The following PFKFB3 variants were observed in gnomAD, a reference collection of about 807,000 sequenced individuals.
PFKFB3 encodes the protein 6-phosphofructo-2-kinase/fructose-2,6-bisphosphatase 3.
A neutral mutation model predicts 68.0 loss-of-function variants in PFKFB3; 33 were observed. The ratio of observed to expected loss-of-function variants is 0.49; its 90% CI spans 0.37 to 0.65. The LOEUF (loss-of-function observed/expected upper bound fraction) is 0.65, where lower values mean the gene tolerates loss of function less well. Among genes scored for constraint, PFKFB3 ranks in the 30% least tolerant of loss-of-function variants. The probability of loss-of-function intolerance (pLI) is 0.00; values close to 1 mark genes in which losing one functional copy is unlikely to be tolerated. For synonymous variants in PFKFB3, 315 were observed against 288.2 expected (o/e 1.09, Z -0.94); for missense variants, 586 against 712.2 (o/e 0.82, Z 2.02).
chr10:6,162,745 G>A (rs910713336), intron 1 of PFKFB3, among the ~76,000 whole-genome samples: 3 of 152,122 alleles, frequency 2.0e-5, no homozygotes, highest in Non-Finnish European at 4.4e-5. Flanking sequence ...TCCTTGACAC[G>A]CCCCCTTCAG....
intron 1 of PFKFB3, among the ~76,000 whole-genome samples, chr10:6,184,045 TTTTTA>T (rs139391729): frequency 0.97 from 145,444 of 149,540 alleles, 70,858 homozygotes; most frequent in East Asian, 1. Context: ...TGCTTTTTGT[TTTTTA>T]TTTTATTTTA....
intron 1 of PFKFB3, among the ~76,000 whole-genome samples, chr10:6,165,978 C>CTTTTTT (rs35266127): frequency 2.4e-5 from 3 of 124,868 alleles, no homozygotes; most frequent in East Asian, 2.4e-4. Flanking sequence ...CCAGGCTCAA[C>CTTTTTT]TTTTTTTTTT....
In PFKFB3 at chr10:6,232,905, G is replaced by C. The variant is rs35413228; in HGVS notation, c.1526G>C (p.Gly509Ala). ...PTQLPGQNMK[G>A]SRSSADSSRK... ...TTCTCCTGAAAACAGAACATGAAAG[G>C]CTCCCGGAGCAGCGCTGACTCCTCC... Residue 509 changes from glycine to alanine, a missense_variant, in exon 15 of 15, where the codon GGC becomes GCC. Transcript: ENST00000379775. The C allele has an allele frequency of 1.2e-6, 2 of 1,613,074 alleles. No homozygotes were observed. Among genetic ancestry groups the C allele is most frequent in the Non-Finnish European group, 1.7e-6 (2 of 1,179,444 alleles).
chr10:6,204,677 G>A (rs1458217623), intron 1 of PFKFB3, among the ~76,000 whole-genome samples: 1 of 152,238 alleles, frequency 6.6e-6, no homozygotes, highest in Admixed American at 6.5e-5. Context: ...AGTCAGATGC[G>A]CTTGAACTGG....
the PFKFB3 span, among the ~76,000 whole-genome samples, chr10:6,262,192 C>T: frequency 9.2e-5 from 14 of 151,974 alleles, no homozygotes; most frequent in East Asian, 3.9e-4. Context: ...TGGTGGCTCA[C>T]GCCTGTAGTC....
At chr10:6,248,748 C>T (rs115341204) in intron 14 of PFKFB3, among the ~76,000 whole-genome samples, 245 of 151,470 alleles carry the variant, frequency 1.6e-3, no homozygotes, top group African/African-American at 5.0e-3. Context: ...TTGATTAATG[C>T]GTCATTAATG....
At chr10:6,314,136 CA>C in the PFKFB3 span, among the ~76,000 whole-genome samples, 6 of 152,332 alleles carry the variant, frequency 3.9e-5, no homozygotes, top group African/African-American at 1.4e-4. Flanking sequence ...TCCCACTCCC[CA>C]AACCATTCTA....
At chr10:6,204,968 C>T (rs952565257) in intron 1 of PFKFB3, among the ~76,000 whole-genome samples, 24 of 152,186 alleles carry the variant, frequency 1.6e-4, no homozygotes, top group Admixed American at 1.1e-3. Context: ...CTTGAGAACT[C>T]CAGCGTGCAC....
intron 1 of PFKFB3, among the ~76,000 whole-genome samples, chr10:6,170,686 G>C (rs1390682384): frequency 1.1e-4 from 3 of 28,522 alleles, no homozygotes; most frequent in Admixed American, 5.9e-4. Context: ...GGTGAGGACA[G>C]TATGGAGGTG....
intron 5 of PFKFB3, among the ~76,000 whole-genome samples, 162 bp from the exon 6 acceptor site, chr10:6,216,973 C>T (rs1039116574): frequency 6.6e-6 from 1 of 152,042 alleles, no homozygotes; most frequent in Non-Finnish European, 1.5e-5. Flanking sequence ...TCTTGGGGGC[C>T]ATGGGGCGTT....
chr10:6,167,311 G>C (rs11257057), intron 1 of PFKFB3, among the ~76,000 whole-genome samples: 27,490 of 152,140 alleles, frequency 0.18, 2,759 homozygotes, highest in East Asian at 0.32. Flanking sequence ...ACGCCTGTGC[G>C]GGTCTCATTC....
At chr10:6,240,156 T>C (rs1370555300), downstream of PFKFB3, among the ~76,000 whole-genome samples, 2 of 152,248 alleles carry the variant, frequency 1.3e-5, no homozygotes, top group African/African-American at 4.8e-5. Context: ...AGTGCTAGGA[T>C]GCAGGACGTT....
intron 1 of PFKFB3, chr10:6,146,121 C>G (rs1389167406): frequency 3.5e-6 from 2 of 567,454 alleles, no homozygotes; most frequent in Non-Finnish European, 4.5e-6. Flanking sequence ...ACACTAAGGA[C>G]GTTGAGGACT....
downstream of PFKFB3, among the ~76,000 whole-genome samples, chr10:6,257,460 C>A (rs1846503609): frequency 6.6e-6 from 1 of 152,118 alleles, no homozygotes; most frequent in South Asian, 2.1e-4. Context: ...ATTTTTAAAT[C>A]ATGACGATGG....
At chr10:6,253,023 A>G (rs577643521) in intron 14 of PFKFB3, among the ~76,000 whole-genome samples, 67 of 152,192 alleles carry the variant, frequency 4.4e-4, no homozygotes, top group Non-Finnish European at 7.1e-4. Context: ...GGTTCAAGCA[A>G]TTCTCTGCCT....
At chr10:6,288,160 G>T in the PFKFB3 span, among the ~76,000 whole-genome samples, 4 of 147,628 alleles carry the variant, frequency 2.7e-5, no homozygotes, top group African/African-American at 9.9e-5. Flanking sequence ...TCCTCTGTAG[G>T]TACGGTGTTT....
chr10:6,316,376 C>T, the PFKFB3 span, among the ~76,000 whole-genome samples: 1 of 152,350 alleles, frequency 6.6e-6, no homozygotes, highest in African/African-American at 2.4e-5. Flanking sequence ...AGATCAATGA[C>T]TTCAAAAGGC....
Position 6,215,454 on chromosome 10 carries a change from C to T in PFKFB3, c.299+137C>T, listed in dbSNP as rs113732678. ...GGAATAAGGCTGGGCTGCGGGGCTG[C>T]GGGTGTAAGGCTGGGCTGCGGGCTT... On this transcript the variant is annotated intron_variant, in intron 3 of 14. Transcript: ENST00000379775. This position sits in a 1 kb window ranked among gnomAD's most constrained non-coding sequence, Gnocchi z 4.3. 24 of 677,952 alleles carry T rather than the reference C, an allele frequency of 3.5e-5. No individual in the cohort carries two copies. The highest frequency in any genetic ancestry group is 2.5e-4 in the African/African-American group (10 of 39,356). 42.0% of individuals were successfully genotyped at this position (677,952 alleles called of 1,614,324 possible). A position where few individuals can be genotyped will look rare whatever the true frequency, so the allele number is the denominator to read the frequency against.
At chr10:6,306,740 G>A in the PFKFB3 span, among the ~76,000 whole-genome samples, 8 of 152,184 alleles carry the variant, frequency 5.3e-5, no homozygotes, top group African/African-American at 1.7e-4. Flanking sequence ...GCCCTGCAAA[G>A]GAGAGCAGGT....
Sources: allele counts gnomAD v4.1 joint callset (sites outside exome capture counted in the v4.1 genomes callset), GRCh38; gene constraint gnomAD v4.1.1; non-coding constraint Gnocchi (gnomAD v3.1); transcripts MANE v1.5; gene names NCBI Gene and HGNC (gene_info 2026-07-23, HGNC 2026-07-21).